The following LRBA variants were observed in gnomAD, a reference collection of about 807,000 sequenced individuals.
The protein encoded by LRBA is lipopolysaccharide-responsive and beige-like anchor protein.
LRBA carries 176 observed loss-of-function variants against 330.0 expected under a neutral mutation model. The observed-to-expected ratio is 0.53, with a 90% CI of 0.47 to 0.60. The LOEUF (loss-of-function observed/expected upper bound fraction) is 0.60. Ranked by LOEUF, LRBA falls within the 20% of genes least tolerant of loss-of-function variation. The probability of loss-of-function intolerance (pLI) is 0.00; values close to 1 mark genes in which losing one functional copy is unlikely to be tolerated. For synonymous variants in LRBA, 1,230 were observed against 1,193.0 expected (o/e 1.03, Z -0.64); for missense variants, 3,259 against 3,444.8 (o/e 0.95, Z 1.35).
At chr4:150,987,269 CAAAA>C (rs538060420) in intron 2 of LRBA, among the ~76,000 whole-genome samples, 30 of 152,216 alleles carry the variant, frequency 2.0e-4, no homozygotes, top group African/African-American at 7.0e-4. Context: ...AAGAGCAAAA[CAAAA>C]ATACATCAAG....
chr4:150,742,846 C>T (rs2127170426), intron 35 of LRBA, among the ~76,000 whole-genome samples: 1 of 152,278 alleles, frequency 6.6e-6, no homozygotes, highest in Non-Finnish European at 1.5e-5. Flanking sequence ...TACAGTGAAC[C>T]ATGATGGCAT....
At chr4:150,519,819 T>C (rs538678665) in intron 40 of LRBA, among the ~76,000 whole-genome samples, 1 of 152,290 alleles carries the variant, frequency 6.6e-6, no homozygotes, top group Non-Finnish European at 1.5e-5. Context: ...CCATCTGCAA[T>C]TGATAGGAGT....
chr4:150,649,026 C>T (rs540871741), intron 37 of LRBA, among the ~76,000 whole-genome samples: 3 of 152,286 alleles, frequency 2.0e-5, no homozygotes, highest in Non-Finnish European at 4.4e-5. Flanking sequence ...AGGCCCTTTT[C>T]TTAGACAATT....
rs77882190 is a variant in LRBA at position 150,427,722 on chromosome 4, C to T, written c.7041+7867G>A. 2.1e-3 allele frequency among the ~76,000 whole-genome samples: 317 copies of T among 152,000 alleles called. 1 individual carries two copies. Among genetic ancestry groups the T allele is most frequent in the Admixed American group, 4.2e-3 (64 of 15,264 alleles). Reference sequence around the variant, plus strand: ...AAATTATTAAAATGGTGTCTGAGAACCGGATGCAGATTTTTTTTACTAAGA... The same window carrying T: ...AAATTATTAAAATGGTGTCTGAGAATCGGATGCAGATTTTTTTTACTAAGA... On this transcript the variant is annotated intron_variant, in intron 46 of 56. Transcript: ENST00000651943.
At chr4:150,484,643 C>A (rs2152087553) in intron 42 of LRBA, among the ~76,000 whole-genome samples, 1 of 150,788 alleles carries the variant, frequency 6.6e-6, no homozygotes, top group South Asian at 2.1e-4. Context: ...TTATTTTTTT[C>A]TTTCTTCAGC....
intron 48 of LRBA, among the ~76,000 whole-genome samples, chr4:150,349,557 G>T (rs1355117834): frequency 6.6e-6 from 1 of 152,076 alleles, no homozygotes; most frequent in African/African-American, 2.4e-5. Flanking sequence ...ACATAGGAAA[G>T]ATTTGGACTT....
chr4:150,770,586 T>TAC (rs34361480), intron 34 of LRBA, among the ~76,000 whole-genome samples: 121 of 148,104 alleles, frequency 8.2e-4, no homozygotes, highest in South Asian at 1.7e-3. Context: ...TATATATATA[T>TAC]ACACACACAC....
chr4:150,501,618 A>T (rs1417857264), intron 40 of LRBA, among the ~76,000 whole-genome samples: 1 of 152,062 alleles, frequency 6.6e-6, no homozygotes, highest in African/African-American at 2.4e-5. Flanking sequence ...AAAAAAAGGT[A>T]TCTACAATCT....
chr4:150,791,175 A>C (rs1185559951), intron 34 of LRBA, among the ~76,000 whole-genome samples: 3 of 152,154 alleles, frequency 2.0e-5, no homozygotes, highest in African/African-American at 7.2e-5. Context: ...GCTGGTCTCA[A>C]ACTCCTGGCC....
intron 16 of LRBA, among the ~76,000 whole-genome samples, chr4:150,893,665 G>T (rs1560971200): frequency 6.6e-6 from 1 of 151,688 alleles, no homozygotes; most frequent in Non-Finnish European, 1.5e-5. Flanking sequence ...CAATTTCTTT[G>T]TTTTTTTGTT....
intron 40 of LRBA, among the ~76,000 whole-genome samples, chr4:150,550,277 T>C (rs1029981146): frequency 6.6e-6 from 1 of 152,166 alleles, no homozygotes; most frequent in Non-Finnish European, 1.5e-5. Flanking sequence ...TGAACATGCA[T>C]GCTCCACTTT....
Position 150,624,600 on chromosome 4 carries a change from T to C in LRBA, c.5922-25469A>G, listed in dbSNP as rs549158585. On this transcript the variant is annotated intron_variant, in intron 37 of 56. Transcript: ENST00000651943. ...ACAACAAATGTGTTTAAATATTGTT[T>C]AGTAGAATTTTATACTAATGTTTAT... Among the ~76,000 whole-genome samples the C allele has an allele frequency of 6.6e-5, 10 of 152,262 alleles. No individual in the cohort carries two copies. The South Asian group carries it at 1.9e-3, about 28-fold the overall frequency.
At chr4:150,534,488 T>C (rs1764426772) in intron 40 of LRBA, among the ~76,000 whole-genome samples, 1 of 151,872 alleles carries the variant, frequency 6.6e-6, no homozygotes, top group Non-Finnish European at 1.5e-5. Flanking sequence ...GTTTTTAAGA[T>C]ACTTGTCATG....
chr4:150,391,427 A>G (rs1743911513), intron 47 of LRBA, among the ~76,000 whole-genome samples: 1 of 152,234 alleles, frequency 6.6e-6, no homozygotes, highest in Non-Finnish European at 1.5e-5. Flanking sequence ...TGGGAGAAAC[A>G]GAGTATGTGG....
At chr4:150,828,922 G>GGGGTGT (rs1491558415) in intron 29 of LRBA, among the ~76,000 whole-genome samples, 54 of 106,228 alleles carry the variant, frequency 5.1e-4, no homozygotes, top group Admixed American at 2.5e-3. Context: ...CTTTTTTGGG[G>GGGGTGT]GTGTGTGTGT....
chr4:150,939,696 C>T (rs1248627982), intron 2 of LRBA, among the ~76,000 whole-genome samples: 2 of 152,208 alleles, frequency 1.3e-5, no homozygotes, highest in Non-Finnish European at 2.9e-5. Context: ...AGCCAAACCA[C>T]GACCCAGAGA....
At chr4:150,842,507 T>C (rs1749241629) in intron 28 of LRBA, among the ~76,000 whole-genome samples, 1 of 152,054 alleles carries the variant, frequency 6.6e-6, no homozygotes, top group Non-Finnish European at 1.5e-5. Flanking sequence ...TTATGGACAA[T>C]AGACTCAGAA....
chr4:150,583,149 C>A lies in LRBA; in HGVS notation c.6330+4899G>T. On this transcript the variant is annotated intron_variant, in intron 40 of 56. Coordinates refer to ENST00000651943, the MANE Select transcript of LRBA (RefSeq NM_001364905.1). The surrounding 1 kb of genome is among the most constrained non-coding windows in gnomAD (Gnocchi z 9.8). ...GAGAGGTCTGTAAGGTGGTCTCGGACGTGCTCAAGGAAGTGGAGGTGCAGG... is the reference window on the plus strand; with the variant it reads ...GAGAGGTCTGTAAGGTGGTCTCGGAAGTGCTCAAGGAAGTGGAGGTGCAGG... The A allele has an allele frequency of 1.2e-6, 2 of 1,614,200 alleles. No individual in the cohort carries two copies. Among genetic ancestry groups the A allele is most frequent in the Non-Finnish European group, 8.5e-7 (1 of 1,180,028 alleles).
At chr4:150,989,181 T>C (rs1382824725) in intron 2 of LRBA, among the ~76,000 whole-genome samples, 1 of 151,858 alleles carries the variant, frequency 6.6e-6, no homozygotes, top group Non-Finnish European at 1.5e-5. Flanking sequence ...AATTTCTGTA[T>C]TGTTAGTAGA....
Sources: allele counts gnomAD v4.1 joint callset (sites outside exome capture counted in the v4.1 genomes callset), GRCh38; gene constraint gnomAD v4.1.1; non-coding constraint Gnocchi (gnomAD v3.1); transcripts MANE v1.5; gene names NCBI Gene and HGNC (gene_info 2026-07-23, HGNC 2026-07-21).